Variants in LEMD1 observed in about 807,000 individuals in gnomAD.
LEMD1 encodes the protein LEM domain containing 1, also known as LEM domain-containing protein 1.
Under a neutral mutation model 17.4 loss-of-function variants are expected in LEMD1, and 18 were observed. That is an observed-to-expected ratio of 1.04 (90% CI 0.72 to 1.54). LEMD1 has a LOEUF of 1.54. LEMD1 is among the 40% of genes most tolerant of loss of function. The pLI is 0.00. For synonymous variants in LEMD1, 88 were observed against 77.8 expected (o/e 1.13, Z -0.69); for missense variants, 195 against 210.4 (o/e 0.93, Z 0.45).
chr1:205,445,230 A>ACCCCTTCCCCC (rs1394033580), intron 1 of LEMD1, among the ~76,000 whole-genome samples: 1 of 151,568 alleles, frequency 6.6e-6, no homozygotes, highest in Non-Finnish European at 1.5e-5. Context: ...CTCCTTCCCC[A>ACCCCTTCCCCC]CCCCTTCCCC....
intron 1 of LEMD1, chr1:205,437,918 T>C (rs2102461044): frequency 6.6e-6 from 1 of 152,308 alleles, no homozygotes; most frequent in South Asian, 2.1e-4. Context: ...AGTTAATTAT[T>C]GCTCTTTTTT....
Position 205,420,455 on chromosome 1 carries a change from G to T in LEMD1, c.82C>A (p.Pro28Thr). 1 of 1,610,288 alleles carries T rather than the reference G, an allele frequency of 6.2e-7. No individual in the cohort carries two copies. Among genetic ancestry groups the T allele is most frequent in the Non-Finnish European group, 8.5e-7 (1 of 1,176,712 alleles). ...KLGFSPGPIL[P>T]STRKLYEKKL... ...AATATTTGCTGCATACTGTACATAC[G>T]TAGTATTGGGCCAGGTGAAAATCCA... The change falls in exon 2 of 6, where the codon CCT becomes ACT. Residue 28 changes from proline to threonine, a missense_variant and splice_region_variant. Physicochemically the swap from Pro to Thr is conservative, Grantham distance 38. Coordinates refer to ENST00000367153, the MANE Select transcript of LEMD1 (RefSeq NM_001199050.2).
Position 205,422,022 on chromosome 1 carries a change from C to T in LEMD1, c.-71G>A, listed in dbSNP as rs1008672478. 1 of 152,186 alleles carries T rather than the reference C, an allele frequency of 6.6e-6. No homozygotes were observed. Among genetic ancestry groups the T allele is most frequent in the African/African-American group, 2.4e-5 (1 of 41,430 alleles). The allele number at this position is 152,186 out of a possible 1,614,324, so 9.4% of individuals were successfully genotyped here. On this transcript the variant is annotated 5_prime_UTR_variant, in exon 1 of 6. Transcript: ENST00000367153. Reference sequence around the variant, plus strand: ...CATGGTTATCTAAAGTCTATGCAATCGAGTTGGTTACTAAAGCTGGGTGAG... The same window carrying T: ...CATGGTTATCTAAAGTCTATGCAATTGAGTTGGTTACTAAAGCTGGGTGAG...
At chr1:205,446,757 T>C (rs1160754681) in intron 1 of LEMD1, among the ~76,000 whole-genome samples, 1 of 152,198 alleles carries the variant, frequency 6.6e-6, no homozygotes, top group African/African-American at 2.4e-5. Flanking sequence ...GCCAGCCATC[T>C]CTGAACTCTG....
intron 1 of LEMD1, chr1:205,435,247 G>A (rs1199185740): frequency 1.3e-5 from 2 of 152,250 alleles, no homozygotes; most frequent in African/African-American, 4.8e-5. Flanking sequence ...CTACATAGGG[G>A]TATATAGGTG....
intron 1 of LEMD1, among the ~76,000 whole-genome samples, chr1:205,444,846 G>A (rs1196304575): frequency 6.6e-6 from 1 of 151,854 alleles, no homozygotes; most frequent in South Asian, 2.1e-4. Context: ...CCAAGGCAGA[G>A]AGCAGAGGCA....
chr1:205,430,408 A>T (rs1485369197), intron 1 of LEMD1, among the ~76,000 whole-genome samples: 1 of 152,242 alleles, frequency 6.6e-6, no homozygotes, highest in African/African-American at 2.4e-5. Flanking sequence ...TGTAACTAGG[A>T]AGTATAGAGG....
intron 1 of LEMD1, among the ~76,000 whole-genome samples, chr1:205,446,433 C>T (rs1269955660): frequency 2.0e-5 from 3 of 152,234 alleles, no homozygotes; most frequent in Non-Finnish European, 2.9e-5. Flanking sequence ...TTTACTCAGC[C>T]ATCCCTACAA....
At chr1:205,406,768 T>C (rs562998492) in intron 4 of LEMD1, among the ~76,000 whole-genome samples, 1 of 152,128 alleles carries the variant, frequency 6.6e-6, no homozygotes, top group Non-Finnish European at 1.5e-5. Flanking sequence ...GTACCTCAGA[T>C]GGAAATGCCG....
intron 4 of LEMD1, among the ~76,000 whole-genome samples, chr1:205,410,875 G>GAAAGA (rs561401574): frequency 6.8e-6 from 1 of 147,434 alleles, no homozygotes; most frequent in South Asian, 2.1e-4. Flanking sequence ...AGAAAGGAAA[G>GAAAGA]AAAGAAAAGA....
intron 4 of LEMD1, among the ~76,000 whole-genome samples, chr1:205,413,128 T>A (rs1165050787): frequency 1.3e-5 from 2 of 152,228 alleles, no homozygotes; most frequent in Non-Finnish European, 2.9e-5. Flanking sequence ...TTGTTTAAAC[T>A]TAGCAACTAG....
At chr1:205,402,388 A>G (rs1321169216) in intron 4 of LEMD1, among the ~76,000 whole-genome samples, 2 of 151,654 alleles carry the variant, frequency 1.3e-5, no homozygotes, top group African/African-American at 2.4e-5. Context: ...TTGAGCAGTG[A>G]TTTGTAGTTC....
At chr1:205,443,854 C>T (rs1666338220) in intron 1 of LEMD1, among the ~76,000 whole-genome samples, 1 of 152,176 alleles carries the variant, frequency 6.6e-6, no homozygotes, top group Admixed American at 6.5e-5. Context: ...CCGCTGTGAA[C>T]CCCACTCCTC....
intron 4 of LEMD1, among the ~76,000 whole-genome samples, chr1:205,413,623 A>T (rs1574984887): frequency 1.3e-5 from 1 of 76,312 alleles, no homozygotes; most frequent in South Asian, 4.7e-4. Context: ...TGGAGATATG[A>T]GGTGTTGCTA....
rs368899698 is a variant in LEMD1, at chr1:205,448,991, A to T, written c.-39+877T>A. ...CAGACCAGTCTGGGTGGTTACCGAC[A>T]ACACCCATTCTTGCATAGTTTAGAG... On this transcript the variant is annotated intron_variant, in intron 1 of 3. Transcript: ENST00000367154. The surrounding 1 kb of genome is among the most constrained non-coding windows in gnomAD (Gnocchi z 4.7). 6.6e-6 allele frequency among the ~76,000 whole-genome samples: 1 copy of T among 152,096 alleles called. No individual in the cohort carries two copies. Among genetic ancestry groups the T allele is most frequent in the African/African-American group, 2.4e-5 (1 of 41,426 alleles).
In LEMD1 at chr1:205,409,740, C is replaced by A. The variant is rs753583910; in HGVS notation, c.270+6492G>T. On this transcript the variant is annotated intron_variant, in intron 4 of 5. Coordinates refer to ENST00000367153, the MANE Select transcript of LEMD1 (RefSeq NM_001199050.2). Reference sequence around the variant, plus strand: ...CTCAGCCTCCTGAGTAGCTTGGGACCACAAGCATGCGTGCCACTATGCCCA... The same window carrying A: ...CTCAGCCTCCTGAGTAGCTTGGGACAACAAGCATGCGTGCCACTATGCCCA... Among the ~76,000 whole-genome samples, 18 of 151,052 alleles carry A rather than the reference C, an allele frequency of 1.2e-4. 1 individual carries two copies. The South Asian group carries it at 3.8e-3, about 32-fold the overall frequency.
intron 4 of LEMD1, among the ~76,000 whole-genome samples, chr1:205,407,754 G>A (rs371836191): frequency 5.9e-5 from 9 of 152,146 alleles, no homozygotes; most frequent in African/African-American, 1.9e-4. Flanking sequence ...GGAGACCCAG[G>A]ACTTGAGATT....
chr1:205,422,149 C>T (rs1186482097), upstream of LEMD1: 1 of 152,140 alleles, frequency 6.6e-6, no homozygotes, highest in African/African-American at 2.4e-5. Flanking sequence ...CCCATAGCAA[C>T]AGATTGATGT....
intron 4 of LEMD1, among the ~76,000 whole-genome samples, chr1:205,397,574 G>T (rs192023977): frequency 3.3e-5 from 5 of 152,274 alleles, no homozygotes; most frequent in Admixed American, 3.3e-4. Context: ...CTGGGAGATA[G>T]AGTGAGACCC....
Sources: allele counts gnomAD v4.1 joint callset (sites outside exome capture counted in the v4.1 genomes callset), GRCh38; gene constraint gnomAD v4.1.1; non-coding constraint Gnocchi (gnomAD v3.1); transcripts MANE v1.5; gene names NCBI Gene and HGNC (gene_info 2026-07-23, HGNC 2026-07-21).